The following DNAH17 variants were observed in gnomAD, a reference collection of about 807,000 sequenced individuals.
The protein encoded by DNAH17 is dynein axonemal heavy chain 17.
A neutral mutation model predicts 485.6 loss-of-function variants in DNAH17; 376 were observed. The observed-to-expected ratio is 0.77, with a 90% CI of 0.71 to 0.84. The LOEUF (loss-of-function observed/expected upper bound fraction) is 0.84, where lower values mean the gene tolerates loss of function less well. Ranked by LOEUF, DNAH17 falls within the 40% of genes least tolerant of loss-of-function variation. The pLI is 0.00. For missense variants in DNAH17, 6,370 were observed against 5,839.3 expected (o/e 1.09, Z -2.96); for synonymous variants, 3,031 against 2,405.9 (o/e 1.26, Z -7.60).
At chr17:78,502,310 C>T (rs1329914282) in intron 33 of DNAH17, 4 of 347,546 alleles carry the variant, frequency 1.2e-5, no homozygotes, top group Non-Finnish European at 2.1e-5. Flanking sequence ...TAACCAAGGA[C>T]ATTTTTTTTT....
chr17:78,543,287 G>GTATTTTTTTTT (rs1200669389), intron 17 of DNAH17, among the ~76,000 whole-genome samples: 10 of 139,264 alleles, frequency 7.2e-5, no homozygotes, highest in African/African-American at 2.5e-4. Flanking sequence ...GTTAATTTTT[G>GTATTTTTTTTT]TTTTTTTTTT....
chr17:78,507,844 G>A (rs1349405291), intron 27 of DNAH17, 39 bp from the exon 28 acceptor site: 1 of 1,479,864 alleles, frequency 6.8e-7, no homozygotes, highest in Non-Finnish European at 9.0e-7. Context: ...CTGAGCATTT[G>A]GCATGCAAAG....
intron 16 of DNAH17, among the ~76,000 whole-genome samples, chr17:78,544,945 G>T (rs1010559342): frequency 6.6e-6 from 1 of 150,634 alleles, no homozygotes; most frequent in Admixed American, 6.6e-5. Context: ...CACCTAATAA[G>T]TTTTTTTTGT....
intron 63 of DNAH17, 108 bp from the exon 64 acceptor site, chr17:78,454,813 C>T: frequency 1.1e-6 from 1 of 946,740 alleles, no homozygotes; most frequent in Non-Finnish European, 1.6e-6. Context: ...AGGGGTGGAC[C>T]AGCAGGACGA....
chr17:78,566,999 C>G lies in DNAH17; in HGVS notation c.1452G>C (p.Ser484=). The G allele has an allele frequency of 6.2e-7, 1 of 1,608,994 alleles. No homozygotes were observed. Among genetic ancestry groups the G allele is most frequent in the Non-Finnish European group, 8.5e-7 (1 of 1,177,228 alleles). The change falls in exon 10 of 81, where the codon TCG becomes TCC. Residue 484 remains serine, a splice_region_variant and synonymous_variant. Transcript: ENST00000389840. ...CATCCAACCCTGCCCGAGGACCTAC[C>G]GAGTCTCCAGGGTCCAAGGGATCAT... ...CKYDPLDPGD[S]NFDRDYADFE...
chr17:78,446,553 A>G (rs190607787), intron 69 of DNAH17, among the ~76,000 whole-genome samples: 221 of 152,330 alleles, frequency 1.5e-3, no homozygotes, highest in Middle Eastern at 3.4e-3. Context: ...CCACGCTGGC[A>G]TTCTCCATTC....
chr17:78,516,113 G>A (rs182570110), intron 25 of DNAH17, among the ~76,000 whole-genome samples: 4 of 152,332 alleles, frequency 2.6e-5, no homozygotes, highest in Non-Finnish European at 4.4e-5. Flanking sequence ...GTGTTCACAA[G>A]ATGTTTGCCT....
At chr17:78,432,967 C>T (rs2086734270) in intron 75 of DNAH17, among the ~76,000 whole-genome samples, 1 of 135,606 alleles carries the variant, frequency 7.4e-6, no homozygotes, top group Non-Finnish European at 1.5e-5. Flanking sequence ...CCCTGGGAGT[C>T]CTCCAACCCC....
chr17:78,490,917 GGGTTACTC>G (rs2089824467), intron 43 of DNAH17, 70 bp from the exon 44 acceptor site: 2 of 1,470,998 alleles, frequency 1.4e-6, no homozygotes, highest in Non-Finnish European at 1.8e-6. Context: ...TCTGGGGTGG[GGGTTACTC>G]GGAGCAAACC....
Position 78,427,015 on chromosome 17 carries a change from C to T in DNAH17, c.12682G>A (p.Val4228Met), listed in dbSNP as rs372351110. Reference sequence around the variant, plus strand: ...TCACATTCTTGAAAGGCGACTACCACGTAGGGGGTCTTTTCCGCTGCCTTT... The same window carrying T: ...TCACATTCTTGAAAGGCGACTACCATGTAGGGGGTCTTTTCCGCTGCCTTT... ...MAKAAEKTPY[V>M]VVAFQECERM... The change falls in exon 78 of 81, where the codon GTG becomes ATG. Residue 4228 changes from valine (V) to methionine (M), a missense_variant. Physicochemically the swap from Val to Met is conservative, Grantham distance 21. Transcript: ENST00000389840. 7 of 1,609,412 alleles carry T rather than the reference C, an allele frequency of 4.3e-6. No homozygotes were observed. Among genetic ancestry groups the T allele is most frequent in the South Asian group, 3.3e-5 (3 of 90,044 alleles).
chr17:78,476,742 AAC>A lies in DNAH17; in HGVS notation c.7993-11_7993-10del. On this transcript the variant is annotated splice_polypyrimidine_tract_variant and intron_variant, in intron 51 of 80. Coordinates refer to ENST00000389840, the MANE Select transcript of DNAH17 (RefSeq NM_173628.4). ...GTGGAAAATAAGAGTCCCTGCCCCA[AAC>A]ACAGGATGATCAGCACCGTCAGCTG... 6.2e-7 allele frequency: 1 copy of A among 1,610,438 alleles called. No individual in the cohort carries two copies. The highest frequency in any genetic ancestry group is 1.1e-5 in the South Asian group (1 of 90,290).
intron 71 of DNAH17, among the ~76,000 whole-genome samples, chr17:78,442,783 G>A (rs984917226): frequency 1.0e-4 from 13 of 128,920 alleles, no homozygotes; most frequent in Admixed American, 2.2e-4. Flanking sequence ...CATGCTGTGC[G>A]TCAGGGTTTG....
rs2091473337 is a variant in DNAH17 at position 78,539,821 on chromosome 17, G to A, written c.2592C>T (p.Ile864=). Residue 864 remains isoleucine (I), a synonymous_variant, in exon 18 of 81, where the codon ATC becomes ATT. Coordinates refer to ENST00000389840, the MANE Select transcript of DNAH17 (RefSeq NM_173628.4). ...TLSLPWKDYV[I]YIDDMVLDEF... is the part of the protein sequence containing the mutation. Reference sequence around the variant, plus strand: ...CATCTAAGACCATGTCGTCAATGTAGATGACATAATCCTTCCAGGGCAGGC... The same window carrying A: ...CATCTAAGACCATGTCGTCAATGTAAATGACATAATCCTTCCAGGGCAGGC... The A allele has an allele frequency of 6.2e-7, 1 of 1,611,874 alleles. No homozygotes were observed. The highest frequency in any genetic ancestry group is 8.5e-7 in the Non-Finnish European group (1 of 1,179,548).
At chr17:78,528,161 G>T (rs1354887646) in intron 22 of DNAH17, among the ~76,000 whole-genome samples, 1 of 152,176 alleles carries the variant, frequency 6.6e-6, no homozygotes, top group Non-Finnish European at 1.5e-5. Context: ...TTCTATGGTT[G>T]CTGGCTGTAT....
In DNAH17 at chr17:78,506,862, G is replaced by A. The variant is rs376717638; in HGVS notation, c.4677-16C>T. On this transcript the variant is annotated splice_polypyrimidine_tract_variant and intron_variant, in intron 29 of 80. Transcript: ENST00000389840. ...GATGGCCAAGCTGGGAGGAAGGAAG[G>A]AAGTAGAGGAGGCCGGTGACCCTAC... The A allele has an allele frequency of 2.5e-4, 409 of 1,613,740 alleles. 1 individual carries two copies. Among genetic ancestry groups the A allele is most frequent in the Non-Finnish European group, 3.3e-4 (386 of 1,179,842 alleles).
At chr17:78,577,130 G>T (rs2092444110) in intron 1 of DNAH17, among the ~76,000 whole-genome samples, 165 bp downstream of exon 1, 1 of 152,100 alleles carries the variant, frequency 6.6e-6, no homozygotes, top group Admixed American at 6.5e-5. Context: ...CAGCCTCGGG[G>T]TCCCAGAGCC....
chr17:78,455,978 T>C (rs1010823873), intron 62 of DNAH17, 142 bp from the exon 63 acceptor site: 1 of 702,944 alleles, frequency 1.4e-6, no homozygotes, highest in Non-Finnish European at 2.2e-6. Context: ...AAAATGCTTT[T>C]GGGAGGAAAT....
In DNAH17 at chr17:78,468,864, T is replaced by C; in HGVS notation, c.8531A>G (p.Tyr2844Cys). 1.2e-6 allele frequency: 2 copies of C among 1,613,658 alleles called. No individual in the cohort carries two copies. The change falls in exon 55 of 81, where the codon TAC becomes TGC. Residue 2844 changes from tyrosine (Y) to cysteine (C), a missense_variant. Coordinates refer to ENST00000389840, the MANE Select transcript of DNAH17 (RefSeq NM_173628.4). Reference protein sequence around the residue: ...PDLKIDLAAQYIKAAVKNVPS... With the variant: ...PDLKIDLAAQCIKAAVKNVPS... ...AACGTTCTTCACGGCAGCCTTTATG[T>C]ACTGAGCAGCGAGGTCAATCTGGAC...
chr17:78,508,818 A>T (rs1010735297), intron 27 of DNAH17, among the ~76,000 whole-genome samples: 4 of 151,746 alleles, frequency 2.6e-5, no homozygotes, highest in East Asian at 3.9e-4. Flanking sequence ...AAAAATTATA[A>T]TTTTTTTTAG....
Sources: gnomAD v4.1 joint callset for allele counts (sites outside exome capture counted in the v4.1 genomes callset) on GRCh38, gnomAD v4.1.1 for gene constraint, MANE v1.5 for transcripts, NCBI Gene and HGNC (gene_info 2026-07-23, HGNC 2026-07-21) for gene names.